The following PRKN variants were observed in gnomAD, a reference collection of about 807,000 sequenced individuals.
PRKN encodes the protein parkin RBR E3 ubiquitin protein ligase, also known as E3 ubiquitin-protein ligase parkin.
In PRKN, 56 loss-of-function variants were observed where a neutral mutation model predicts 59.5. The ratio of observed to expected loss-of-function variants is 0.94; its 90% CI spans 0.76 to 1.18. The LOEUF is 1.18. Among genes scored for constraint, PRKN ranks in the 50% most tolerant of loss-of-function variants. The probability of loss-of-function intolerance (pLI) is 0.00; values close to 1 mark genes in which losing one functional copy is unlikely to be tolerated. For synonymous variants in PRKN, 250 were observed against 222.1 expected (o/e 1.13, Z -1.12); for missense variants, 657 against 596.4 (o/e 1.10, Z -1.06).
chr6:162,528,305 T>C (rs1452993566), intron 1 of PRKN, among the ~76,000 whole-genome samples: 13 of 143,310 alleles, frequency 9.1e-5, no homozygotes, highest in African/African-American at 3.1e-4. Context: ...CTGGGTGAAG[T>C]GAAACTCCGT....
intron 1 of PRKN, among the ~76,000 whole-genome samples, chr6:162,563,826 A>G (rs1489068856): frequency 6.6e-6 from 1 of 152,224 alleles, no homozygotes; most frequent in Admixed American, 6.5e-5. Context: ...AGAGAATGAA[A>G]TAATTAAAAA....
At chr6:162,630,637 G>T (rs1245168985) in intron 1 of PRKN, among the ~76,000 whole-genome samples, 1 of 152,060 alleles carries the variant, frequency 6.6e-6, no homozygotes, top group Non-Finnish European at 1.5e-5. Context: ...ACAATCAGAA[G>T]CAAAGATATC....
Position 161,552,325 on chromosome 6 carries a change from T to TCCCGCATAC in PRKN, c.934-3323_934-3322insGTATGCGGG, listed in dbSNP as rs369152825. Among the ~76,000 whole-genome samples, 23 of 147,782 alleles carry TCCCGCATAC rather than the reference T, an allele frequency of 1.6e-4. No individual in the cohort carries two copies. Among genetic ancestry groups the TCCCGCATAC allele is most frequent in the Middle Eastern group, 3.4e-3 (1 of 290 alleles). On this transcript the variant is annotated intron_variant, in intron 8 of 11. Transcript: ENST00000366898. The surrounding 1 kb of genome is among the most constrained non-coding windows in gnomAD (Gnocchi z 4.9). ...CCCCTCTCCCTCAGCTCTGTTCACCTCCGCCTATGACTGTGAATGATCTCA... is the reference window on the plus strand; with the variant it reads ...CCCCTCTCCCTCAGCTCTGTTCACCTCCCGCATACCCGCCTATGACTGTGAATGATCTCA...
At chr6:162,042,596 A>C (rs528060475) in intron 5 of PRKN, among the ~76,000 whole-genome samples, 2 of 152,286 alleles carry the variant, frequency 1.3e-5, no homozygotes, top group South Asian at 4.1e-4. Context: ...GCTGAACCAT[A>C]GCCCTTTTAA....
intron 6 of PRKN, among the ~76,000 whole-genome samples, chr6:161,936,288 C>T (rs1380454833): frequency 6.7e-6 from 1 of 150,370 alleles, no homozygotes; most frequent in African/African-American, 2.5e-5. Context: ...CGGCTCATTG[C>T]ACCACCACCT....
chr6:162,353,135 G>T (rs1408899332), intron 2 of PRKN, among the ~76,000 whole-genome samples: 1 of 152,110 alleles, frequency 6.6e-6, no homozygotes, highest in Non-Finnish European at 1.5e-5. Context: ...ATGCCACCAT[G>T]CTCTCAACCT....
At chr6:161,970,424 T>C (rs1489771453) in intron 6 of PRKN, among the ~76,000 whole-genome samples, 1 of 149,354 alleles carries the variant, frequency 6.7e-6, no homozygotes, top group African/African-American at 2.5e-5. Context: ...TATATATACA[T>C]ACACACACAA....
At chr6:162,288,468 G>T (rs1047473885) in intron 2 of PRKN, among the ~76,000 whole-genome samples, 1 of 152,082 alleles carries the variant, frequency 6.6e-6, no homozygotes, top group African/African-American at 2.4e-5. Flanking sequence ...GATTATCCCC[G>T]GCGGGCCTGA....
At chr6:162,357,214 C>G (rs1007239993) in intron 2 of PRKN, among the ~76,000 whole-genome samples, 1 of 151,992 alleles carries the variant, frequency 6.6e-6, no homozygotes, top group Admixed American at 6.6e-5. Flanking sequence ...AAAATATTCA[C>G]AAAATATATA....
At chr6:162,706,611 C>T (rs2849523) in intron 1 of PRKN, among the ~76,000 whole-genome samples, 37,868 of 152,068 alleles carry the variant, frequency 0.25, 5,891 homozygotes, top group Non-Finnish European at 0.36. Context: ...CTTGGACAAG[C>T]GATCTGACCT....
intron 1 of PRKN, among the ~76,000 whole-genome samples, chr6:162,631,556 TG>T (rs1429873623): frequency 6.6e-6 from 1 of 152,146 alleles, no homozygotes; most frequent in East Asian, 1.9e-4. Flanking sequence ...TTTTGCTTCT[TG>T]ATTTGTTAGA....
At chr6:162,319,348 T>C (rs1782888129) in intron 2 of PRKN, among the ~76,000 whole-genome samples, 1 of 151,994 alleles carries the variant, frequency 6.6e-6, no homozygotes, top group Admixed American at 6.6e-5. Context: ...ACTACTGTTG[T>C]GGAAAATAAG....
At chr6:161,639,819 C>T (rs755590561) in intron 7 of PRKN, among the ~76,000 whole-genome samples, 27 of 152,214 alleles carry the variant, frequency 1.8e-4, no homozygotes, top group Admixed American at 4.6e-4. Context: ...TTCCCTCATC[C>T]TGTAACACAA....
rs1777862949 is a variant in PRKN at position 162,056,286 on chromosome 6, C to T, written c.535-2112G>A. 6.6e-6 allele frequency among the ~76,000 whole-genome samples: 1 copy of T among 151,704 alleles called. No individual in the cohort carries two copies. The highest frequency in any genetic ancestry group is 6.6e-5 in the Admixed American group (1 of 15,224). ...ACACATACATGCACACCAAGACACA[C>T]CACACATGCATAAACACACCACGCA... On this transcript the variant is annotated intron_variant, in intron 4 of 11. Transcript: ENST00000366898. This position sits in a 1 kb window ranked among gnomAD's most constrained non-coding sequence, Gnocchi z 4.9.
rs1271814223 is a variant in PRKN at position 161,400,981 on chromosome 6, T to C, written c.1084-14104A>G. ...AGGCCATTACTCAAGGGGAAGACTGTTGATCAGAGTACACTGCAAACAAAC... is the reference window on the plus strand; with the variant it reads ...AGGCCATTACTCAAGGGGAAGACTGCTGATCAGAGTACACTGCAAACAAAC... On this transcript the variant is annotated intron_variant, in intron 9 of 11. Transcript: ENST00000366898. The surrounding 1 kb of genome is among the most constrained non-coding windows in gnomAD (Gnocchi z 4.2). 1.3e-5 allele frequency among the ~76,000 whole-genome samples: 2 copies of C among 152,186 alleles called. No individual in the cohort carries two copies. Among genetic ancestry groups the C allele is most frequent in the African/African-American group, 2.4e-5 (1 of 41,436 alleles).
intron 8 of PRKN, among the ~76,000 whole-genome samples, chr6:161,565,849 A>G (rs956462868): frequency 3.3e-5 from 5 of 152,050 alleles, no homozygotes; most frequent in African/African-American, 7.2e-5. Flanking sequence ...CAGAGACCCT[A>G]CGCAAGGTTT....
At chr6:162,205,194 T>C (rs1360090397) in intron 3 of PRKN, among the ~76,000 whole-genome samples, 1 of 152,164 alleles carries the variant, frequency 6.6e-6, no homozygotes, top group Non-Finnish European at 1.5e-5. Context: ...TCTCTCACGC[T>C]TTGCCTAACA....
chr6:161,350,243 G>GT (rs1703582146), intron 11 of PRKN, 32 bp from the exon 12 acceptor site: 1 of 1,508,162 alleles, frequency 6.6e-7, no homozygotes, highest in Admixed American at 1.7e-5. Context: ...GGTGTGGTGG[G>GT]TTCGCAGCAA....
At chr6:161,389,051 A>G (rs62435889) in intron 9 of PRKN, among the ~76,000 whole-genome samples, 10,953 of 152,314 alleles carry the variant, frequency 0.072, 440 homozygotes, top group Non-Finnish European at 0.08. Flanking sequence ...AGTATAAGTT[A>G]GGAATTTAGC....
Sources: allele counts gnomAD v4.1 joint callset (sites outside exome capture counted in the v4.1 genomes callset), GRCh38; gene constraint gnomAD v4.1.1; non-coding constraint Gnocchi (gnomAD v3.1); transcripts MANE v1.5; gene names NCBI Gene and HGNC (gene_info 2026-07-23, HGNC 2026-07-21).